SNX29: variants seen among roughly 807,000 people sequenced by gnomAD.
SNX29 encodes the protein sorting nexin-29.
In SNX29, 78 loss-of-function variants were observed where a neutral mutation model predicts 102.1. The ratio of observed to expected loss-of-function variants is 0.76; its 90% CI spans 0.64 to 0.92. The LOEUF (loss-of-function observed/expected upper bound fraction) is 0.92, where lower values mean the gene tolerates loss of function less well. SNX29 is among the 40% of genes least tolerant of loss of function. The pLI, the probability that SNX29 is intolerant of heterozygous loss-of-function variation, is 0.00. For missense variants in SNX29, 1,280 were observed against 1,061.7 expected (o/e 1.21, Z -2.86); for synonymous variants, 580 against 414.5 (o/e 1.40, Z -4.85).
chr16:12,395,299 G>T (rs1490938144), intron 16 of SNX29, among the ~76,000 whole-genome samples: 3 of 152,088 alleles, frequency 2.0e-5, no homozygotes, highest in Admixed American at 6.5e-5. Context: ...GAGACTTCTT[G>T]TCTCTGTTCT....
intron 13 of SNX29, among the ~76,000 whole-genome samples, chr16:12,182,304 C>T (rs1228135839): frequency 6.6e-6 from 1 of 151,792 alleles, no homozygotes; most frequent in East Asian, 1.9e-4. Flanking sequence ...AATACTAATC[C>T]CCCTTTGATA....
intron 11 of SNX29, among the ~76,000 whole-genome samples, chr16:12,097,790 A>C (rs964063716): frequency 9.2e-5 from 14 of 152,194 alleles, no homozygotes; most frequent in African/African-American, 3.4e-4. Context: ...CCTCTCGCTC[A>C]GGGGATGAGA....
chr16:12,468,456 G>A (rs545148349), intron 18 of SNX29, among the ~76,000 whole-genome samples: 11 of 152,164 alleles, frequency 7.2e-5, no homozygotes, highest in East Asian at 3.9e-4. Flanking sequence ...GAGCCACCAC[G>A]CGCAACCTCC....
rs112973250 is a variant in SNX29 at position 12,481,395 on chromosome 16, T to C, written c.2178+3536T>C. 1.8e-3 allele frequency among the ~76,000 whole-genome samples: 274 copies of C among 149,830 alleles called. 1 individual carries two copies. Among genetic ancestry groups the C allele is most frequent in the South Asian group, 7.0e-3 (33 of 4,738 alleles). ...TGTCTTTTATACATATATATATATA[T>C]ACACACACACACACACATATACATA... On this transcript the variant is annotated intron_variant, in intron 19 of 20. Transcript: ENST00000566228.
intron 9 of SNX29, among the ~76,000 whole-genome samples, chr16:12,061,945 G>A (rs1444558796): frequency 2.0e-5 from 3 of 152,144 alleles, no homozygotes; most frequent in African/African-American, 4.8e-5. Context: ...CGTTGAACTT[G>A]GTCGTTTAAA....
intron 12 of SNX29, 54 bp from the exon 13 acceptor site, chr16:12,129,576 C>A: frequency 6.4e-7 from 1 of 1,555,352 alleles, no homozygotes; most frequent in South Asian, 1.2e-5. Context: ...GTGTCCTGGG[C>A]TCAGTGGGGT....
rs562865662 is a variant in SNX29 at position 12,487,118 on chromosome 16, G to A, written c.2178+9259G>A. Among the ~76,000 whole-genome samples the A allele has an allele frequency of 3.3e-5, 5 of 152,284 alleles. No individual in the cohort carries two copies. In the South Asian group the frequency reaches 6.2e-4, roughly 19 times the overall value. ...GCCACTTCTAGTATTGTGTTTATGA[G>A]GATTGAAGGTGGTTACATCTGTAAA... On this transcript the variant is annotated intron_variant, in intron 19 of 20. Coordinates refer to ENST00000566228, the MANE Select transcript of SNX29 (RefSeq NM_032167.5).
At chr16:12,215,880 C>T (rs2077310630) in intron 14 of SNX29, among the ~76,000 whole-genome samples, 1 of 152,218 alleles carries the variant, frequency 6.6e-6, no homozygotes, top group Admixed American at 6.5e-5. Flanking sequence ...TGGCTGCCCT[C>T]ATTATAGTGC....
At chr16:12,082,697 A>G (rs2051967150) in intron 11 of SNX29, among the ~76,000 whole-genome samples, 1 of 152,110 alleles carries the variant, frequency 6.6e-6, no homozygotes, top group Non-Finnish European at 1.5e-5. Flanking sequence ...CTTGGTAGAA[A>G]CGTGGTCTGT....
intron 14 of SNX29, among the ~76,000 whole-genome samples, chr16:12,249,411 G>C (rs577318518): frequency 6.6e-6 from 1 of 152,338 alleles, no homozygotes; most frequent in East Asian, 1.9e-4. Context: ...TCAAGCCTCT[G>C]CTAGGCTCAC....
chr16:12,495,891 A>G (rs981444742), intron 19 of SNX29, among the ~76,000 whole-genome samples: 3 of 152,208 alleles, frequency 2.0e-5, no homozygotes, highest in African/African-American at 7.2e-5. Context: ...CATGTCTACT[A>G]AAAATACAAA....
chr16:12,563,468 A>G (rs1041254908), intron 20 of SNX29, among the ~76,000 whole-genome samples: 38 of 152,208 alleles, frequency 2.5e-4, no homozygotes, highest in African/African-American at 9.2e-4. Flanking sequence ...CTAATAGGGT[A>G]AAAGGCTCAA....
At chr16:12,267,217 G>A (rs2078955164) in intron 14 of SNX29, among the ~76,000 whole-genome samples, 1 of 149,182 alleles carries the variant, frequency 6.7e-6, no homozygotes, top group African/African-American at 2.5e-5. Context: ...ATTATGAGTA[G>A]ACAACCAAAA....
chr16:12,089,806 C>T (rs1442402332), intron 11 of SNX29: 1 of 368,300 alleles, frequency 2.7e-6, no homozygotes, highest in Non-Finnish European at 5.2e-6. Context: ...GCCTGCTTGC[C>T]ACGCAGAGCA....
At chr16:11,991,696 C>T (rs1224215544) in intron 1 of SNX29, among the ~76,000 whole-genome samples, 1 of 148,112 alleles carries the variant, frequency 6.8e-6, no homozygotes, top group Non-Finnish European at 1.5e-5. Flanking sequence ...GTGCATGCCA[C>T]CACCTGAGGC....
At chr16:12,083,286 A>G (rs2051999834) in intron 11 of SNX29, among the ~76,000 whole-genome samples, 1 of 149,994 alleles carries the variant, frequency 6.7e-6, no homozygotes, top group African/African-American at 2.5e-5. Flanking sequence ...AGCCTGGGCG[A>G]CAGAGCAAGA....
chr16:12,340,928 CT>C (rs2081592360), intron 15 of SNX29, among the ~76,000 whole-genome samples: 1 of 152,344 alleles, frequency 6.6e-6, no homozygotes, highest in East Asian at 1.9e-4. Flanking sequence ...CCACTGGCAT[CT>C]TTCCTCTATT....
At chr16:12,345,435 G>T (rs2081765367) in intron 15 of SNX29, among the ~76,000 whole-genome samples, 1 of 152,166 alleles carries the variant, frequency 6.6e-6, no homozygotes, top group African/African-American at 2.4e-5. Context: ...ACAGCTTATG[G>T]CTCTGGGGGG....
chr16:12,318,232 G>C (rs1240072382), intron 15 of SNX29, among the ~76,000 whole-genome samples: 5 of 152,222 alleles, frequency 3.3e-5, no homozygotes, highest in Admixed American at 1.3e-4. Context: ...GCATGTTCTT[G>C]CTAGATTTTA....
Sources: gnomAD v4.1 joint callset for allele counts (sites outside exome capture counted in the v4.1 genomes callset) on GRCh38, gnomAD v4.1.1 for gene constraint, MANE v1.5 for transcripts, NCBI Gene and HGNC (gene_info 2026-07-23, HGNC 2026-07-21) for gene names.